The following METAP1 variants were observed in gnomAD, a reference collection of about 807,000 sequenced individuals.
METAP1 encodes methionine aminopeptidase 1.
Under a neutral mutation model 53.8 loss-of-function variants are expected in METAP1, and 28 were observed. The observed-to-expected ratio is 0.52, with a 90% confidence interval of 0.39 to 0.71. The LOEUF (loss-of-function observed/expected upper bound fraction) is 0.71, where lower values mean the gene tolerates loss of function less well. Ranked by LOEUF, METAP1 falls within the 30% of genes least tolerant of loss-of-function variation. METAP1 has a pLI of 0.00. For synonymous variants in METAP1, 181 were observed against 165.7 expected, an observed-to-expected ratio of 1.09 and a Z score of -0.71; for missense variants, 389 against 479.8, an observed-to-expected ratio of 0.81 and a Z score of 1.77.
At chr4:99,039,109 A>C in intron 4 of METAP1, 1 of 276,804 alleles carries the variant, frequency 3.6e-6, no homozygotes, top group Middle Eastern at 1.1e-3. Context: ...CCTGGCATAT[A>C]ATAAGTACTC....
chr4:99,045,042 T>C, intron 7 of METAP1, 137 bp from the exon 8 acceptor site: 1 of 802,234 alleles, frequency 1.2e-6, no homozygotes, highest in South Asian at 1.8e-5. Flanking sequence ...GCAATAACTA[T>C]CTATCCATTG....
At chr4:99,034,707 G>A (rs528002107) in intron 3 of METAP1, among the ~76,000 whole-genome samples, 30 of 152,300 alleles carry the variant, frequency 2.0e-4, no homozygotes, top group African/African-American at 5.5e-4. Flanking sequence ...TGACGCTCAA[G>A]TCCCTTAAAG....
At chr4:99,047,412 A>G (rs887976890) in intron 8 of METAP1, among the ~76,000 whole-genome samples, 20 of 152,096 alleles carry the variant, frequency 1.3e-4, no homozygotes, top group African/African-American at 3.6e-4. Context: ...TTCCTCTGTC[A>G]CTCTTTCTAT....
intron 9 of METAP1, among the ~76,000 whole-genome samples, chr4:99,056,192 C>G (rs1727106445): frequency 6.6e-6 from 1 of 152,188 alleles, no homozygotes; most frequent in Non-Finnish European, 1.5e-5. Context: ...AGAACAACCT[C>G]GCAGAGGAAC....
chr4:99,003,909 C>T (rs1385023430), intron 1 of METAP1, among the ~76,000 whole-genome samples: 1 of 152,130 alleles, frequency 6.6e-6, no homozygotes, highest in Non-Finnish European at 1.5e-5. Flanking sequence ...GCTTAGTCCT[C>T]GAAGCTGCCC....
chr4:99,036,962 T>C (rs1418263347), intron 4 of METAP1, among the ~76,000 whole-genome samples: 1 of 152,048 alleles, frequency 6.6e-6, no homozygotes, highest in East Asian at 1.9e-4. Flanking sequence ...TCTTTTCTGC[T>C]ATATTTTTCG....
At chr4:99,041,300 A>G (rs1007259260) in intron 6 of METAP1, among the ~76,000 whole-genome samples, 174 bp downstream of exon 6, 2 of 152,148 alleles carry the variant, frequency 1.3e-5, no homozygotes, top group African/African-American at 4.8e-5. Context: ...CATTATTCTC[A>G]TCTTTAAGAA....
In METAP1 at chr4:99,023,749, G is replaced by A. The variant is rs181875698; in HGVS notation, c.115-5118G>A. ...GGCAAGTCAGTGGGGCCTAAAATAA[G>A]GTGGGAGTTAGTTGCACTGGTTAAT... On this transcript the variant is annotated intron_variant, in intron 1 of 10. Transcript: ENST00000296411. 1.2e-5 allele frequency: 12 copies of A among 985,424 alleles called. No individual in the cohort carries two copies. In the East Asian group the frequency reaches 1.2e-3, roughly 102 times the overall value. The allele number at this position is 985,424 out of a possible 1,614,324, so 61.0% of individuals were successfully genotyped here. A position where few individuals can be genotyped will look rare whatever the true frequency, so the allele number is the denominator to read the frequency against.
Position 98,995,741 on chromosome 4 carries a change from G to C in METAP1, c.-13G>C, listed in dbSNP as rs931965452. 23 of 1,544,430 alleles carry C rather than the reference G, an allele frequency of 1.5e-5. No individual in the cohort carries two copies. The Admixed American group carries it at 3.5e-4, about 24-fold the overall frequency. Reference sequence around the variant, plus strand: ...TCTTCCTCGGTGAGGCGCTCTTCCAGCGGGCAGGCAGCATGGCGGCCGTGG... The same window carrying C: ...TCTTCCTCGGTGAGGCGCTCTTCCACCGGGCAGGCAGCATGGCGGCCGTGG... On this transcript the variant is annotated 5_prime_UTR_variant, in exon 1 of 11. Transcript: ENST00000296411.
At chr4:99,010,756 GGTAATA>G (rs1318323099) in intron 1 of METAP1, among the ~76,000 whole-genome samples, 1 of 152,032 alleles carries the variant, frequency 6.6e-6, no homozygotes, top group Non-Finnish European at 1.5e-5. Flanking sequence ...AACTGCTTTG[GGTAATA>G]TTGATATCTT....
At chr4:99,029,994 CT>C (rs1724883431) in intron 2 of METAP1, among the ~76,000 whole-genome samples, 2 of 152,202 alleles carry the variant, frequency 1.3e-5, no homozygotes, top group South Asian at 4.2e-4. Context: ...AAAGATAGGA[CT>C]TGTTGATTTG....
chr4:99,002,913 A>G (rs1722990162), intron 1 of METAP1, among the ~76,000 whole-genome samples: 1 of 152,120 alleles, frequency 6.6e-6, no homozygotes. Flanking sequence ...TGAAAATACA[A>G]AAATTAGCTG....
intron 1 of METAP1, among the ~76,000 whole-genome samples, chr4:99,015,487 A>C (rs544226371): frequency 6.6e-6 from 1 of 152,202 alleles, no homozygotes; most frequent in Admixed American, 6.5e-5. Context: ...TAAAGCTTAC[A>C]ATCAGGGGAA....
chr4:99,027,544 A>ACC lies in METAP1; in HGVS notation c.115-1314_115-1313dup, dbSNP rs35716602. Among the ~76,000 whole-genome samples, 381 of 136,980 alleles carry ACC rather than the reference A, an allele frequency of 2.8e-3. 1 individual carries two copies. Among genetic ancestry groups the ACC allele is most frequent in the African/African-American group, 5.7e-3 (221 of 38,438 alleles). The allele number at this position is 136,980 out of a possible 152,430, so 89.9% of individuals were successfully genotyped here. Reference sequence around the variant, plus strand: ...AAACTCAGGGAAGGGACAAGAGGTCACCCCCCCCCCGCCTTTGTCATATAA... The same window carrying ACC: ...AAACTCAGGGAAGGGACAAGAGGTCACCCCCCCCCCCCGCCTTTGTCATATAA... On this transcript the variant is annotated intron_variant, in intron 1 of 10. Transcript: ENST00000296411.
intron 1 of METAP1, 23 bp from the exon 2 acceptor site, chr4:99,028,844 A>G (rs1402206308): frequency 1.3e-6 from 2 of 1,510,746 alleles, no homozygotes; most frequent in Admixed American, 4.1e-5. Context: ...CCTGACACTA[A>G]TTTTCCTTTT....
intron 2 of METAP1, among the ~76,000 whole-genome samples, chr4:99,031,101 G>GTTTTTTTTTTTTTTTTTTTT (rs56082818): frequency 1.8e-5 from 2 of 109,918 alleles, no homozygotes; most frequent in African/African-American, 3.4e-5. Flanking sequence ...CTCAAAGGTA[G>GTTTTTTTTTTTTTTTTTTTT]TTTTTTTTTT....
At chr4:99,059,471 G>A (rs891523079) in intron 10 of METAP1, among the ~76,000 whole-genome samples, 1 of 152,088 alleles carries the variant, frequency 6.6e-6, no homozygotes, top group African/African-American at 2.4e-5. Flanking sequence ...ATTTAATATT[G>A]CAAAAGTAGT....
At chr4:99,057,605 C>T in intron 9 of METAP1, 148 bp from the exon 10 acceptor site, 1 of 634,254 alleles carries the variant, frequency 1.6e-6, no homozygotes, top group South Asian at 2.0e-5. Context: ...CAGTATAATA[C>T]CTGTTTGTTG....
intron 2 of METAP1, among the ~76,000 whole-genome samples, chr4:99,032,354 T>C (rs1230186442): frequency 6.6e-6 from 1 of 152,010 alleles, no homozygotes; most frequent in Admixed American, 6.6e-5. Flanking sequence ...CACCTCAGCC[T>C]TCCGAGTAGT....
Sources: allele counts gnomAD v4.1 joint callset (sites outside exome capture counted in the v4.1 genomes callset), GRCh38; gene constraint gnomAD v4.1.1; transcripts MANE v1.5; gene names NCBI Gene and HGNC (gene_info 2026-07-23, HGNC 2026-07-21).